Variants in SCD5 observed in about 807,000 individuals in gnomAD.
SCD5 encodes the protein stearoyl-CoA desaturase 5, also known as acyl-CoA-desaturase 4.
In SCD5, 20 loss-of-function variants were observed where a neutral mutation model predicts 30.4. That is an observed-to-expected ratio of 0.66 (90% confidence interval 0.46 to 0.96). SCD5 has a LOEUF of 0.96. SCD5 is among the 40% of genes least tolerant of loss of function. The pLI, the probability that SCD5 is intolerant of heterozygous loss-of-function variation, is 0.00. For synonymous variants in SCD5, 173 were observed against 176.4 expected, an observed-to-expected ratio of 0.98 and a Z score of 0.16; for missense variants, 381 against 443.3, an observed-to-expected ratio of 0.86 and a Z score of 1.26.
intron 3 of SCD5, among the ~76,000 whole-genome samples, chr4:82,665,161 A>AGCCAGG (rs1560528131): frequency 7.1e-4 from 101 of 142,046 alleles, no homozygotes; most frequent in African/African-American, 2.6e-3. Flanking sequence ...TTTGAGCCAG[A>AGCCAGG]AGTTTGAGGC....
chr4:82,665,518 T>C (rs2135507), intron 3 of SCD5, among the ~76,000 whole-genome samples: 51,080 of 151,846 alleles, frequency 0.34, 9,291 homozygotes, highest in African/African-American at 0.48. Context: ...TCAAAAATTA[T>C]GTAAGGCATA....
At chr4:82,791,854 G>T (rs1414686285) in intron 1 of SCD5, among the ~76,000 whole-genome samples, 1 of 152,154 alleles carries the variant, frequency 6.6e-6, no homozygotes, top group African/African-American at 2.4e-5. Context: ...TCACCCTTTT[G>T]CAAATCACTG....
chr4:82,767,008 A>G (rs1054259136), intron 1 of SCD5, among the ~76,000 whole-genome samples: 1 of 152,020 alleles, frequency 6.6e-6, no homozygotes, highest in Non-Finnish European at 1.5e-5. Flanking sequence ...CCAAATACTG[A>G]GGCAATATCC....
chr4:82,686,888 T>C (rs1435937032), intron 2 of SCD5, among the ~76,000 whole-genome samples: 1 of 152,104 alleles, frequency 6.6e-6, no homozygotes, highest in Non-Finnish European at 1.5e-5. Flanking sequence ...AAGTACTTCT[T>C]CGCCGGGCAG....
intron 3 of SCD5, among the ~76,000 whole-genome samples, chr4:82,653,949 G>T (rs560949012): frequency 2.1e-4 from 32 of 150,524 alleles, no homozygotes; most frequent in African/African-American, 7.3e-4. Context: ...ACGGAGTCCT[G>T]CTCTGTCACC....
intron 2 of SCD5, chr4:82,698,174 A>C: frequency 2.2e-6 from 1 of 455,778 alleles, no homozygotes; most frequent in Non-Finnish European, 4.4e-6. Context: ...AAAGTTGTGC[A>C]TCTGAAGCTT....
chr4:82,629,927 C>T lies in SCD5; in HGVS notation c.*1400G>A, dbSNP rs957507908. On this transcript the variant is annotated 3_prime_UTR_variant, in exon 5 of 5. Transcript: ENST00000319540. ...CATGCAGGTGAAACATTAGTAGACA[C>T]GGAATTCTAGATAACTGTTGGTTCT... The T allele has an allele frequency of 9.2e-5, 14 of 152,148 alleles. No homozygotes were observed. The highest frequency in any genetic ancestry group is 3.8e-4 in the East Asian group (2 of 5,202). The allele number at this position is 152,148 out of a possible 1,614,324, so 9.4% of individuals were successfully genotyped here.
intron 3 of SCD5, among the ~76,000 whole-genome samples, chr4:82,667,295 C>T (rs929275875): frequency 3.9e-5 from 6 of 152,132 alleles, no homozygotes; most frequent in African/African-American, 1.4e-4. Flanking sequence ...CACGCACGCA[C>T]GCACGCATGC....
At chr4:82,677,421 G>C (rs1018944015) in intron 3 of SCD5, among the ~76,000 whole-genome samples, 2 of 152,212 alleles carry the variant, frequency 1.3e-5, no homozygotes, top group African/African-American at 4.8e-5. Flanking sequence ...AGCATGAACT[G>C]AGATCTGCTG....
At chr4:82,714,593 G>A (rs879716253) in intron 1 of SCD5, among the ~76,000 whole-genome samples, 3 of 152,092 alleles carry the variant, frequency 2.0e-5, no homozygotes, top group Admixed American at 2.0e-4. Context: ...TGGCTCCAGG[G>A]CAGGGGGCTG....
intron 1 of SCD5, among the ~76,000 whole-genome samples, chr4:82,727,419 T>C (rs1178116338): frequency 1.3e-5 from 2 of 152,206 alleles, no homozygotes; most frequent in East Asian, 3.8e-4. Flanking sequence ...TCTATGAGTA[T>C]ACAGGTCCCA....
intron 1 of SCD5, among the ~76,000 whole-genome samples, chr4:82,719,665 A>G (rs1015826725): frequency 2.0e-5 from 3 of 151,344 alleles, no homozygotes; most frequent in South Asian, 2.1e-4. Context: ...TACCACGCCC[A>G]GCTAATTTTT....
chr4:82,662,580 C>T (rs569057010), intron 3 of SCD5, among the ~76,000 whole-genome samples: 137 of 151,562 alleles, frequency 9.0e-4, no homozygotes, highest in African/African-American at 3.0e-3. Flanking sequence ...AAAGATGGGG[C>T]CGGGTATGGT....
chr4:82,718,084 A>ATAAT (rs1560542782), intron 1 of SCD5, among the ~76,000 whole-genome samples: 5 of 149,372 alleles, frequency 3.3e-5, no homozygotes, highest in East Asian at 3.9e-4. Context: ...TTTTTTTTTA[A>ATAAT]AAAAAAAAAA....
At chr4:82,726,433 A>C (rs541351107) in intron 1 of SCD5, among the ~76,000 whole-genome samples, 2 of 151,944 alleles carry the variant, frequency 1.3e-5, no homozygotes, top group Admixed American at 6.6e-5. Flanking sequence ...AAAAAAAAAA[A>C]AACAATTACC....
intron 1 of SCD5, among the ~76,000 whole-genome samples, chr4:82,775,031 G>A (rs1364834030): frequency 2.0e-5 from 3 of 152,098 alleles, no homozygotes; most frequent in Non-Finnish European, 4.4e-5. Context: ...AGTTCAGACC[G>A]TTGGCTCCCT....
At chr4:82,651,751 A>T (rs1480466021) in intron 3 of SCD5, among the ~76,000 whole-genome samples, 1 of 152,076 alleles carries the variant, frequency 6.6e-6, no homozygotes, top group Non-Finnish European at 1.5e-5. Context: ...CCGTCTCTAC[A>T]AAAAATACAA....
chr4:82,759,729 G>A (rs1438060828), intron 1 of SCD5, among the ~76,000 whole-genome samples: 1 of 150,332 alleles, frequency 6.7e-6, no homozygotes, highest in Non-Finnish European at 1.5e-5. Flanking sequence ...TCCTTCCTTT[G>A]GGCCTTCATT....
intron 3 of SCD5, among the ~76,000 whole-genome samples, chr4:82,649,835 C>T (rs1002757587): frequency 2.6e-5 from 4 of 152,160 alleles, no homozygotes; most frequent in Non-Finnish European, 5.9e-5. Context: ...GTAGGTAGTT[C>T]TCTCCCTGTA....
Sources: gnomAD v4.1 joint callset for allele counts (sites outside exome capture counted in the v4.1 genomes callset) on GRCh38, gnomAD v4.1.1 for gene constraint, MANE v1.5 for transcripts, NCBI Gene and HGNC (gene_info 2026-07-23, HGNC 2026-07-21) for gene names.